Variants in ZC3H14 observed in about 807,000 individuals in gnomAD.
The protein encoded by ZC3H14 is zinc finger CCCH domain-containing protein 14.
In ZC3H14, 31 loss-of-function variants were observed where a neutral mutation model predicts 92.4. That is an observed-to-expected ratio of 0.34 (90% CI 0.25 to 0.45). ZC3H14 has a LOEUF of 0.45. ZC3H14 is among the 20% of genes least tolerant of loss of function. The pLI, the probability that ZC3H14 is intolerant of heterozygous loss-of-function variation, is 1.00. For synonymous variants in ZC3H14, 321 were observed against 300.9 expected (o/e 1.07, Z -0.69); for missense variants, 781 against 897.3 (o/e 0.87, Z 1.66).
intron 2 of ZC3H14, among the ~76,000 whole-genome samples, chr14:88,565,177 C>T (rs1208921142): frequency 2.6e-5 from 4 of 152,024 alleles, no homozygotes; most frequent in Admixed American, 1.3e-4. Flanking sequence ...GAATTTCACT[C>T]GTTGCCCAGG....
chr14:88,567,848 A>G (rs770122193), intron 2 of ZC3H14, 191 bp from the exon 3 acceptor site: 1 of 641,976 alleles, frequency 1.6e-6, no homozygotes, highest in South Asian at 1.5e-5. Flanking sequence ...CTTAATTTCC[A>G]TTCTTCTAGT....
Position 88,575,875 on chromosome 14 carries a change from A to G in ZC3H14, c.1058A>G (p.Asn353Ser). 2 of 1,613,988 alleles carry G rather than the reference A, an allele frequency of 1.2e-6. No homozygotes were observed. Among genetic ancestry groups the G allele is most frequent in the Non-Finnish European group, 1.7e-6 (2 of 1,179,944 alleles). The change falls in exon 8 of 17, where the codon AAT becomes AGT. Residue 353 changes from asparagine to serine, a missense_variant. Physicochemically the swap from Asn to Ser is conservative, Grantham distance 46. Around this residue, in one of 3 missense-constraint regions of ZC3H14, gnomAD observed 454 missense variants for 438.5 expected, o/e 1.04. Coordinates refer to ENST00000251038, the MANE Select transcript of ZC3H14 (RefSeq NM_024824.5). ...CCACCTTCTAAACAAGCTAACAAGA[A>G]TCTGATTTTGAAGGCTATATCTGAA... ...SLPPSKQANK[N>S]LILKAISEAQ... is the part of the protein sequence containing the mutation.
chr14:88,609,346 C>A lies in ZC3H14; in HGVS notation c.1948C>A (p.Pro650Thr). 1 of 1,613,936 alleles carries A rather than the reference C, an allele frequency of 6.2e-7. No individual in the cohort carries two copies. Among genetic ancestry groups the A allele is most frequent in the African/African-American group, 1.3e-5 (1 of 74,988 alleles). The change falls in exon 14 of 17, where the codon CCA becomes ACA. Residue 650 changes from proline (P) to threonine (T), a missense_variant. Physicochemically the swap from Pro to Thr is conservative, Grantham distance 38 (BLOSUM62 -1). Transcript: ENST00000251038. ...NCKYDAKCTK[P>T]DCPFTHVSRR... Reference sequence around the variant, plus strand: ...TAAATATGATGCAAAGTGTACTAAACCAGATTGTCCCTTCACTCATGTGAG... The same window carrying A: ...TAAATATGATGCAAAGTGTACTAAAACAGATTGTCCCTTCACTCATGTGAG...
chr14:88,563,555 G>T (rs1237535300), intron 1 of ZC3H14, 96 bp from the exon 2 acceptor site: 27 of 1,584,922 alleles, frequency 1.7e-5, no homozygotes, highest in Non-Finnish European at 2.1e-5. Flanking sequence ...GATCCGAGGT[G>T]CGCGCACCAG....
chr14:88,563,399 G>C (rs2079119458), intron 1 of ZC3H14: 1 of 1,434,074 alleles, frequency 7.0e-7, no homozygotes, highest in Admixed American at 2.9e-5. Context: ...GACAGGCGCA[G>C]GCCCGGCTGG....
intron 3 of ZC3H14, among the ~76,000 whole-genome samples, chr14:88,568,650 CAG>C (rs2139520585): frequency 6.6e-6 from 1 of 152,250 alleles, no homozygotes; most frequent in Non-Finnish European, 1.5e-5. Flanking sequence ...GGTGGGGACA[CAG>C]AGCCAAACCT....
In ZC3H14 at chr14:88,621,439, G is replaced by C; in HGVS notation, c.*9688G>C. The C allele has an allele frequency of 2.2e-6, 2 of 920,496 alleles. No homozygotes were observed. Among genetic ancestry groups the C allele is most frequent in the Non-Finnish European group, 3.3e-6 (2 of 598,336 alleles). The allele number at this position is 920,496 out of a possible 1,614,324, so 57.0% of individuals were successfully genotyped here. A position where few individuals can be genotyped will look rare whatever the true frequency, so the allele number is the denominator to read the frequency against. ...TAATCTAGTAGCAAGGCAGTCATTA[G>C]CTCATGCAAATTTTTCTATGACTAC... On this transcript the variant is annotated 3_prime_UTR_variant, in exon 17 of 17. Coordinates refer to ENST00000251038, the MANE Select transcript of ZC3H14 (RefSeq NM_024824.5).
chr14:88,573,086 A>G, intron 6 of ZC3H14, 79 bp downstream of exon 6: 1 of 1,514,380 alleles, frequency 6.6e-7, no homozygotes, highest in East Asian at 2.3e-5. Context: ...AAGTAACTAA[A>G]CACATATTCC....
chr14:88,579,291 T>A (rs569111738), intron 9 of ZC3H14, among the ~76,000 whole-genome samples: 1 of 152,166 alleles, frequency 6.6e-6, no homozygotes, highest in East Asian at 1.9e-4. Flanking sequence ...CATGACAGCG[T>A]TATATACTAT....
Position 88,565,730 on chromosome 14 carries a change from C to T in ZC3H14, c.79+2037C>T, listed in dbSNP as rs538255024. Among the ~76,000 whole-genome samples, 6 of 152,102 alleles carry T rather than the reference C, an allele frequency of 3.9e-5. 1 individual carries two copies. The highest frequency in any genetic ancestry group is 1.4e-4 in the African/African-American group (6 of 41,480). ...TGTAGTGTCACAGAAGAATATCCAC[C>T]TTATCTGAAAAGACTATCAGAATAC... On this transcript the variant is annotated intron_variant, in intron 2 of 16. Transcript: ENST00000251038.
chr14:88,568,400 G>A lies in ZC3H14; in HGVS notation c.194+247G>A, dbSNP rs114835207. On this transcript the variant is annotated intron_variant, in intron 3 of 16. Transcript: ENST00000251038. ...GTTCCACATGGCTGGGGAGGCCCCA[G>A]GAAGGGGAAGCAAGCACCTTCTTCA... 7.3e-3 allele frequency among the ~76,000 whole-genome samples: 1,116 copies of A among 152,330 alleles called. 17 individuals carry two copies. The highest frequency in any genetic ancestry group is 0.026 in the African/African-American group (1,065 of 41,584).
At chr14:88,604,888 C>T (rs1327966205) in intron 12 of ZC3H14, among the ~76,000 whole-genome samples, 2 of 152,154 alleles carry the variant, frequency 1.3e-5, no homozygotes, top group African/African-American at 4.8e-5. Context: ...GCCACCGTGC[C>T]TGGCCTATAG....
At chr14:88,586,727 T>TA (rs2082515469) in intron 9 of ZC3H14, 2 of 152,198 alleles carry the variant, frequency 1.3e-5, no homozygotes, top group Admixed American at 1.3e-4. Context: ...TAAAATGCAT[T>TA]ATGAAATACA....
At chr14:88,570,888 G>A (rs1473104529) in intron 3 of ZC3H14, among the ~76,000 whole-genome samples, 196 bp from the exon 4 acceptor site, 1 of 152,096 alleles carries the variant, frequency 6.6e-6, no homozygotes, top group East Asian at 1.9e-4. Context: ...GGCTGAGGCA[G>A]GTGGTTCTCT....
At chr14:88,575,814 A>G (rs1312997928) in intron 7 of ZC3H14, 26 bp from the exon 8 acceptor site, 2 of 1,589,384 alleles carry the variant, frequency 1.3e-6, no homozygotes, top group East Asian at 4.5e-5. Flanking sequence ...AAAGTTTAAT[A>G]AAAATACCTT....
rs1259272800 is a variant in ZC3H14 at position 88,627,182 on chromosome 14, A to C, written c.*15431A>C. On this transcript the variant is annotated 3_prime_UTR_variant, in exon 17 of 17. Transcript: ENST00000251038. ...GCCAATGGCCCCTGCTCTACTACCT[A>C]GCAATACATGATTTACAATTATTTG... 1 of 742,770 alleles carries C rather than the reference A, an allele frequency of 1.3e-6. No individual in the cohort carries two copies. The highest frequency in any genetic ancestry group is 1.8e-5 in the African/African-American group (1 of 56,882). 46.0% of individuals were successfully genotyped at this position (742,770 alleles called of 1,614,324 possible).
In ZC3H14 at chr14:88,615,510, C is replaced by T. The variant is rs2087458459; in HGVS notation, c.*3759C>T. The T allele has an allele frequency of 3.3e-6, 1 of 302,818 alleles. No individual in the cohort carries two copies. Among genetic ancestry groups the T allele is most frequent in the East Asian group, 5.5e-5 (1 of 18,292 alleles). 18.8% of individuals were successfully genotyped at this position (302,818 alleles called of 1,614,324 possible). A position where few individuals can be genotyped will look rare whatever the true frequency, so the allele number is the denominator to read the frequency against. ...AGTTCTTCTGTAAAGAGTGCTCTACCCTAAATTTTCCCAGCAGGTCTGCCG... is the reference window on the plus strand; with the variant it reads ...AGTTCTTCTGTAAAGAGTGCTCTACTCTAAATTTTCCCAGCAGGTCTGCCG... On this transcript the variant is annotated 3_prime_UTR_variant, in exon 17 of 17. Coordinates refer to ENST00000251038, the MANE Select transcript of ZC3H14 (RefSeq NM_024824.5).
intron 3 of ZC3H14, 64 bp downstream of exon 3, chr14:88,568,217 C>A (rs753697294): frequency 2.9e-6 from 4 of 1,372,056 alleles, no homozygotes; most frequent in Non-Finnish European, 4.1e-6. Flanking sequence ...GATATTCTGT[C>A]CAAAGAGAGG....
At chr14:88,566,230 G>A (rs1482184207) in intron 2 of ZC3H14, among the ~76,000 whole-genome samples, 1 of 151,578 alleles carries the variant, frequency 6.6e-6, no homozygotes, top group East Asian at 1.9e-4. Flanking sequence ...AATATAATTG[G>A]ATTTGTGATT....
Sources: allele counts gnomAD v4.1 joint callset (sites outside exome capture counted in the v4.1 genomes callset), GRCh38; gene constraint gnomAD v4.1.1; regional missense constraint gnomAD v4.1.1; transcripts MANE v1.5; gene names NCBI Gene and HGNC (gene_info 2026-07-23, HGNC 2026-07-21).